IVNS1ABP: variants seen among roughly 807,000 people sequenced by gnomAD.
IVNS1ABP encodes the protein influenza virus NS1A-binding protein.
IVNS1ABP carries 25 observed loss-of-function variants against 78.9 expected under a neutral mutation model. That is an observed-to-expected ratio of 0.32 (90% confidence interval 0.23 to 0.44). The LOEUF is 0.44. IVNS1ABP is among the 20% of genes least tolerant of loss of function. The probability of loss-of-function intolerance (pLI) is 1.00; values close to 1 mark genes in which losing one functional copy is unlikely to be tolerated. For synonymous variants in IVNS1ABP, 241 were observed against 259.7 expected (o/e 0.93, Z 0.69); for missense variants, 494 against 768.9 (o/e 0.64, Z 4.23).
Position 185,300,132 on chromosome 1 carries a change from T to C in IVNS1ABP, c.1370-2A>G, listed in dbSNP as rs1665533074. On this transcript the variant is annotated splice_acceptor_variant, in intron 12 of 14. Coordinates refer to ENST00000367498, the MANE Select transcript of IVNS1ABP (RefSeq NM_006469.5). LOFTEE classifies it high-confidence loss of function. ...ACTTTCCATTCAGAGCACACACTCCTATGTAAGTATAAAATAAAGTTACAT... is the reference window on the plus strand; with the variant it reads ...ACTTTCCATTCAGAGCACACACTCCCATGTAAGTATAAAATAAAGTTACAT... 6.2e-7 allele frequency: 1 copy of C among 1,611,698 alleles called. No homozygotes were observed. The highest frequency in any genetic ancestry group is 8.5e-7 in the Non-Finnish European group (1 of 1,178,728).
Position 185,301,216 on chromosome 1 carries a change from A to T in IVNS1ABP, c.896-20T>A. The T allele has an allele frequency of 2.5e-6, 4 of 1,584,880 alleles. No individual in the cohort carries two copies. Among genetic ancestry groups the T allele is most frequent in the Non-Finnish European group, 3.5e-6 (4 of 1,155,136 alleles). On this transcript the variant is annotated intron_variant, in intron 9 of 14. Coordinates refer to ENST00000367498, the MANE Select transcript of IVNS1ABP (RefSeq NM_006469.5). ...TGTTATCTGTAAGCACAAGAGTTCCATGTTTAAGATGTAATTATTACTTTT... is the reference window on the plus strand; with the variant it reads ...TGTTATCTGTAAGCACAAGAGTTCCTTGTTTAAGATGTAATTATTACTTTT...
rs570924781 is a variant in IVNS1ABP, at chr1:185,308,134, G to A, written c.358-472C>T. The A allele has an allele frequency of 6.2e-5, 81 of 1,309,206 alleles. No homozygotes were observed. The African/African-American group carries it at 7.9e-4, about 13-fold the overall frequency. The allele number at this position is 1,309,206 out of a possible 1,614,324, so 81.1% of individuals were successfully genotyped here. ...TGCAGGGATATGTACTGTAAATTAA[G>A]GAAGGATTTTTGAACAAAGGAGTGG... On this transcript the variant is annotated intron_variant, in intron 5 of 14. Coordinates refer to ENST00000367498, the MANE Select transcript of IVNS1ABP (RefSeq NM_006469.5).
intron 3 of IVNS1ABP, 70 bp downstream of exon 3, chr1:185,309,313 A>C: frequency 2.4e-6 from 3 of 1,261,740 alleles, no homozygotes; most frequent in Non-Finnish European, 3.3e-6. Context: ...AAAAAGAAAT[A>C]AGCAAATCTA....
Position 185,305,706 on chromosome 1 carries a change from A to G in IVNS1ABP, c.658-63T>C. 1 of 1,585,996 alleles carries G rather than the reference A, an allele frequency of 6.3e-7. No individual in the cohort carries two copies. ...CACCATGGCTACTCCACTAGTATGC[A>G]GATTACACAAACGCCTCAAGGTAAC... is the stretch of plus-strand genomic sequence containing the variant. On this transcript the variant is annotated intron_variant, in intron 7 of 14. Transcript: ENST00000367498. The surrounding 1 kb of genome is among the most constrained non-coding windows in gnomAD (Gnocchi z 4.0).
intron 7 of IVNS1ABP, chr1:185,306,282 C>T (rs559037454): frequency 2.6e-5 from 7 of 267,262 alleles, no homozygotes; most frequent in South Asian, 3.7e-5. Context: ...AAAGGAACTC[C>T]GAAAGGTTTA....
chr1:185,300,459 C>T lies in IVNS1ABP; in HGVS notation c.1220G>A (p.Arg407Gln), dbSNP rs1324679768. ...FLAPMRTPRA[R>Q]FQMAVLMGQL... ...TACCATGAGTACAGCCATTTGAAAT[C>T]GGGCTCTTGGTGTTCTCATGGGAGC... The change falls in exon 11 of 15, where the codon CGA becomes CAA. Residue 407 changes from arginine (R) to glutamine (Q), a missense_variant. Coordinates refer to ENST00000367498, the MANE Select transcript of IVNS1ABP (RefSeq NM_006469.5). 2.5e-6 allele frequency: 4 copies of T among 1,613,630 alleles called. No individual in the cohort carries two copies. Among genetic ancestry groups the T allele is most frequent in the Non-Finnish European group, 1.7e-6 (2 of 1,179,720 alleles).
intron 10 of IVNS1ABP, 185 bp downstream of exon 10, chr1:185,300,787 C>T: frequency 1.5e-6 from 1 of 685,038 alleles, no homozygotes; most frequent in Non-Finnish European, 2.4e-6. Flanking sequence ...TTAGCCATGA[C>T]ATAATTTTTT....
rs748966788 is a variant in IVNS1ABP, at chr1:185,298,309, G to C, written c.1676-21C>G. 3 of 1,606,462 alleles carry C rather than the reference G, an allele frequency of 1.9e-6. No homozygotes were observed. Among genetic ancestry groups the C allele is most frequent in the Non-Finnish European group, 2.6e-6 (3 of 1,175,332 alleles). ...TTTTCCTAAAAGAGAAATGAGATGG[G>C]GTAAATCCAGAGATTAAAGTGTAAT... is the stretch of plus-strand genomic sequence containing the variant. On this transcript the variant is annotated intron_variant, in intron 14 of 14. Transcript: ENST00000367498. The surrounding 1 kb of genome is among the most constrained non-coding windows in gnomAD (Gnocchi z 4.1).
chr1:185,303,562 C>G (rs1360421456), intron 8 of IVNS1ABP, among the ~76,000 whole-genome samples: 1 of 152,072 alleles, frequency 6.6e-6, no homozygotes, highest in East Asian at 1.9e-4. Flanking sequence ...CAAATTCTTT[C>G]TTTTCCCTAA....
At chr1:185,307,995 T>A in intron 5 of IVNS1ABP, 1 of 1,549,984 alleles carries the variant, frequency 6.5e-7, no homozygotes, top group Non-Finnish European at 8.7e-7. Flanking sequence ...TGATGTTGAA[T>A]GCAGACAGAA....
chr1:185,315,971 G>A (rs1666006632), intron 1 of IVNS1ABP, among the ~76,000 whole-genome samples: 1 of 152,126 alleles, frequency 6.6e-6, no homozygotes, highest in Non-Finnish European at 1.5e-5. Context: ...AATGTCAGCT[G>A]TCTCAAACCA....
At chr1:185,314,298 T>C (rs1257995300) in intron 1 of IVNS1ABP, among the ~76,000 whole-genome samples, 1 of 152,172 alleles carries the variant, frequency 6.6e-6, no homozygotes, top group African/African-American at 2.4e-5. Flanking sequence ...CACAAACATA[T>C]GTAGCACCAA....
In IVNS1ABP at chr1:185,300,140, T is replaced by C. The variant is rs1195368337; in HGVS notation, c.1370-10A>G. The C allele has an allele frequency of 4.3e-6, 7 of 1,610,752 alleles. No homozygotes were observed. Among genetic ancestry groups the C allele is most frequent in the Non-Finnish European group, 5.9e-6 (7 of 1,178,430 alleles). On this transcript the variant is annotated splice_polypyrimidine_tract_variant and intron_variant, in intron 12 of 14. Coordinates refer to ENST00000367498, the MANE Select transcript of IVNS1ABP (RefSeq NM_006469.5). ...TTCAGAGCACACACTCCTATGTAAG[T>C]ATAAAATAAAGTTACATATTGATAA...
In IVNS1ABP at chr1:185,307,687, C is replaced by A. The variant is rs141545296; in HGVS notation, c.358-25G>T. ...CCTTGGAAAAGAAATATATGAGTGC[C>A]AACACTTACATATCTTTTATTCAAC... On this transcript the variant is annotated intron_variant, in intron 5 of 14. Transcript: ENST00000367498. The A allele has an allele frequency of 5.4e-4, 856 of 1,590,068 alleles. 9 individuals carry two copies. The East Asian group carries it at 0.016, about 30-fold the overall frequency.
intron 2 of IVNS1ABP, among the ~76,000 whole-genome samples, chr1:185,309,917 T>C (rs899070935): frequency 8.5e-5 from 13 of 152,184 alleles, no homozygotes; most frequent in Non-Finnish European, 1.6e-4. Flanking sequence ...GCTCCTGTCA[T>C]TCCTTTACCC....
chr1:185,305,802 CATG>C lies in IVNS1ABP; in HGVS notation c.658-162_658-160del, dbSNP rs1278976089. On this transcript the variant is annotated intron_variant, in intron 7 of 14. Transcript: ENST00000367498. The surrounding 1 kb of genome is among the most constrained non-coding windows in gnomAD (Gnocchi z 4.0). The stretch of plus-strand genomic sequence containing the variant: ...TCCGGAGGTAAAGAAAAATACATGT[CATG>C]GTGGTAAAAATTAAAAAACAAAAAC... 1.7e-5 allele frequency: 12 copies of C among 707,838 alleles called. No individual in the cohort carries two copies. The highest frequency in any genetic ancestry group is 3.7e-5 in the African/African-American group (2 of 54,068). 43.8% of individuals were successfully genotyped at this position (707,838 alleles called of 1,614,324 possible). A position where few individuals can be genotyped will look rare whatever the true frequency, so the allele number is the denominator to read the frequency against.
chr1:185,315,233 C>T (rs1665984593), intron 1 of IVNS1ABP, among the ~76,000 whole-genome samples: 2 of 152,202 alleles, frequency 1.3e-5, no homozygotes, highest in Non-Finnish European at 2.9e-5. Context: ...AACAGGAAAA[C>T]ATTTATATTT....
chr1:185,313,458 A>C (rs1356927138), intron 1 of IVNS1ABP, among the ~76,000 whole-genome samples: 1 of 152,168 alleles, frequency 6.6e-6, no homozygotes, highest in African/African-American at 2.4e-5. Flanking sequence ...TATTGTCCTC[A>C]TACACTATAT....
At chr1:185,308,092 A>G (rs1665787646) in intron 5 of IVNS1ABP, 2 of 1,503,990 alleles carry the variant, frequency 1.3e-6, no homozygotes, top group Admixed American at 2.2e-5. Flanking sequence ...TATATAAGGG[A>G]AAATCTAGAA....
Sources: allele counts gnomAD v4.1 joint callset (sites outside exome capture counted in the v4.1 genomes callset), GRCh38; gene constraint gnomAD v4.1.1; non-coding constraint Gnocchi (gnomAD v3.1); transcripts MANE v1.5; gene names NCBI Gene and HGNC (gene_info 2026-07-23, HGNC 2026-07-21).